The following PRDX4 variants were observed in gnomAD, a reference collection of about 807,000 sequenced individuals.
The protein encoded by PRDX4 is peroxiredoxin 4, also known as peroxiredoxin-4.
In PRDX4, 12 loss-of-function variants were observed where a neutral mutation model predicts 20.5. That is an observed-to-expected ratio of 0.58 (90% confidence interval 0.37 to 0.95). The LOEUF is 0.95. Among genes scored for constraint, PRDX4 ranks in the 40% least tolerant of loss-of-function variants. PRDX4 has a pLI of 0.01. For missense variants in PRDX4, 180 were observed against 207.3 expected (o/e 0.87, Z 0.81); for synonymous variants, 99 against 87.5 (o/e 1.13, Z -0.73).
chrX:23,675,418 G>A (rs1356936002), intron 3 of PRDX4: 1 of 293,846 alleles, frequency 3.4e-6, no homozygotes, highest in African/African-American at 2.7e-5. Context: ...TGATAAATTG[G>A]GTTACCATAA....
In PRDX4 at chrX:23,667,584, C is replaced by G; in HGVS notation, c.14C>G (p.Pro5Arg). 8.4e-7 allele frequency: 1 copy of G among 1,187,372 alleles called. No individual in the cohort carries two copies. Among genetic ancestry groups the G allele is most frequent in the Non-Finnish European group, 1.1e-6 (1 of 883,909 alleles). Residue 5 changes from proline (P) to arginine (R), a missense_variant, in exon 1 of 7, where the codon CCG (proline) becomes CGG (arginine). Physicochemically the swap from Pro to Arg is moderately radical, Grantham distance 103. Transcript: ENST00000379341. Reference protein sequence around the residue: MEALPLLAATTPDHG... With the variant: MEALRLLAATTPDHG... Reference sequence around the variant, plus strand: ...GCTCGCGTGGTCATGGAGGCGCTGCCGCTGCTAGCCGCGACAACTCCGGAC... The same window carrying G: ...GCTCGCGTGGTCATGGAGGCGCTGCGGCTGCTAGCCGCGACAACTCCGGAC...
intron 6 of PRDX4, among the ~76,000 whole-genome samples, chrX:23,685,193 T>C (rs1361701555): frequency 1.8e-5 from 2 of 111,919 alleles, no homozygotes; most frequent in African/African-American, 6.5e-5. Flanking sequence ...ATTGTACTTC[T>C]TGGGAGCTCT....
chrX:23,673,755 CAAAAA>C (rs763938356), intron 2 of PRDX4, among the ~76,000 whole-genome samples: 1 of 33,168 alleles, frequency 3.0e-5, no homozygotes. Context: ...GACCCTGCCA[CAAAAA>C]AAAAAAAAAA....
At chrX:23,675,809 C>T (rs1240082889) in intron 3 of PRDX4, among the ~76,000 whole-genome samples, 1 of 111,594 alleles carries the variant, frequency 9.0e-6, no homozygotes, top group Non-Finnish European at 1.9e-5. Flanking sequence ...CAGTCTTGTG[C>T]AGAAAACTTT....
chrX:23,674,889 G>A (rs1253813251), intron 2 of PRDX4, 101 bp from the exon 3 acceptor site: 30 of 1,038,254 alleles, frequency 2.9e-5, no homozygotes, highest in Non-Finnish European at 3.8e-5. Context: ...TTCTTAATGT[G>A]CATTTTTATT....
intron 3 of PRDX4, 36 bp from the exon 4 acceptor site, chrX:23,679,129 C>A: frequency 8.4e-7 from 1 of 1,196,017 alleles, no homozygotes. Flanking sequence ...ATGCCGTTTA[C>A]TTAGCTCTGA....
chrX:23,686,327 C>A lies in PRDX4; in HGVS notation c.808C>A (p.Leu270Met). 1 of 1,172,228 alleles carries A rather than the reference C, an allele frequency of 8.5e-7. No homozygotes were observed. Among genetic ancestry groups the A allele is most frequent in the Non-Finnish European group, 1.1e-6 (1 of 872,057 alleles). ...PAGKLKYFDK[L>M]N is the part of the protein sequence containing the mutation. ...TGGAAAGCTGAAGTATTTCGATAAA[C>A]TGAATTGAGAAATACTTCTTCAAGT... Residue 270 changes from leucine to methionine, a missense_variant, in exon 7 of 7, where the codon CTG (leucine) becomes ATG (methionine). Coordinates refer to ENST00000379341, the MANE Select transcript of PRDX4 (RefSeq NM_006406.2).
Position 23,686,342 on chromosome X carries a change from C to T in PRDX4, c.*7C>T, listed in dbSNP as rs759282937. 3.4e-6 allele frequency: 4 copies of T among 1,162,221 alleles called. No individual in the cohort carries two copies. The Admixed American group carries it at 7.4e-5, about 21-fold the overall frequency. On this transcript the variant is annotated 3_prime_UTR_variant, in exon 7 of 7. Coordinates refer to ENST00000379341, the MANE Select transcript of PRDX4 (RefSeq NM_006406.2). ...TTTCGATAAACTGAATTGAGAAATA[C>T]TTCTTCAAGTTATGATGCTTGAAAG...
rs773833161 is a variant in PRDX4, at chrX:23,673,529, G to A, written c.360-1461G>A. Reference sequence around the variant, plus strand: ...GCACTTTGGGAGGCCAACATGGGCGGATCACCTGAGGTCAGGAGTTCTAGA... The same window carrying A: ...GCACTTTGGGAGGCCAACATGGGCGAATCACCTGAGGTCAGGAGTTCTAGA... On this transcript the variant is annotated intron_variant, in intron 2 of 6. Coordinates refer to ENST00000379341, the MANE Select transcript of PRDX4 (RefSeq NM_006406.2). Among the ~76,000 whole-genome samples, 3 of 112,335 alleles carry A rather than the reference G, an allele frequency of 2.7e-5. No homozygotes were observed. The South Asian group carries it at 1.1e-3, about 41-fold the overall frequency.
chrX:23,681,400 C>T (rs1357891279), intron 4 of PRDX4, among the ~76,000 whole-genome samples: 1 of 112,121 alleles, frequency 8.9e-6, no homozygotes, highest in African/African-American at 3.2e-5. Flanking sequence ...TAGGCAACCA[C>T]AAATCTACTT....
At chrX:23,682,856 AT>A (rs1569184567) in intron 5 of PRDX4, among the ~76,000 whole-genome samples, 90 of 61,242 alleles carry the variant, frequency 1.5e-3, no homozygotes, top group Non-Finnish European at 2.0e-3. Flanking sequence ...AAAAAAAAAT[AT>A]ATATATATAT....
At chrX:23,671,429 T>C in intron 1 of PRDX4, 100 bp from the exon 2 acceptor site, 2 of 651,188 alleles carry the variant, frequency 3.1e-6, no homozygotes, top group Non-Finnish European at 4.8e-6. Context: ...CAAAGAGATC[T>C]AAAGGTAGCC....
At chrX:23,683,796 G>A (rs1195621319) in intron 6 of PRDX4, 91 bp downstream of exon 6, 2 of 775,963 alleles carry the variant, frequency 2.6e-6, no homozygotes, top group African/African-American at 4.3e-5. Context: ...TGTAATCCCA[G>A]CACTTTGGGA....
At chrX:23,669,929 AAGTAAATAACTAAAATT>A (rs895392584) in intron 1 of PRDX4, among the ~76,000 whole-genome samples, 2 of 110,489 alleles carry the variant, frequency 1.8e-5, no homozygotes, top group African/African-American at 6.6e-5. Context: ...AAAAAAAAAA[AAGTAAATAACTAAAATT>A]AAAAAAAATA....
chrX:23,686,072 G>A, intron 6 of PRDX4: 2 of 459,830 alleles, frequency 4.3e-6, no homozygotes, highest in Non-Finnish European at 8.0e-6. Context: ...GGGTGCTTGA[G>A]TACAGATGTT....
At chrX:23,674,819 T>C (rs1927911979) in intron 2 of PRDX4, among the ~76,000 whole-genome samples, 171 bp from the exon 3 acceptor site, 1 of 112,256 alleles carries the variant, frequency 8.9e-6, no homozygotes, top group South Asian at 3.6e-4. Context: ...GTCTTAAATA[T>C]TTGATTAAAT....
chrX:23,677,533 G>A lies in PRDX4; in HGVS notation c.477-1632G>A, dbSNP rs373367431. The stretch of plus-strand genomic sequence containing the variant: ...CTGGTCCCAAGCACTTCCGATAAGG[G>A]ATACTCAACCTGTAGTGAAGACTGA... On this transcript the variant is annotated intron_variant, in intron 3 of 6. Coordinates refer to ENST00000379341, the MANE Select transcript of PRDX4 (RefSeq NM_006406.2). Among the ~76,000 whole-genome samples, 4 of 111,990 alleles carry A rather than the reference G, an allele frequency of 3.6e-5. No homozygotes were observed. The East Asian group carries it at 8.4e-4, about 24-fold the overall frequency.
intron 2 of PRDX4, among the ~76,000 whole-genome samples, chrX:23,674,701 G>T (rs1601790267): frequency 9.0e-6 from 1 of 111,153 alleles, no homozygotes; most frequent in Non-Finnish European, 1.9e-5. Flanking sequence ...TAAAATGAGG[G>T]GTGGCTATTG....
intron 1 of PRDX4, among the ~76,000 whole-genome samples, chrX:23,668,804 G>A (rs1173226236): frequency 2.8e-5 from 1 of 35,293 alleles, no homozygotes; most frequent in Admixed American, 3.5e-4. Context: ...ATGTTGTTAT[G>A]ACTTAGGATG....
Sources: gnomAD v4.1 joint callset for allele counts (sites outside exome capture counted in the v4.1 genomes callset) on GRCh38, gnomAD v4.1.1 for gene constraint, MANE v1.5 for transcripts, NCBI Gene and HGNC (gene_info 2026-07-23, HGNC 2026-07-21) for gene names.